The following CELF1 variants were observed in gnomAD, a reference collection of about 807,000 sequenced individuals.
The protein encoded by CELF1 is CUGBP Elav-like family member 1, also known as 50 kDa nuclear polyadenylated RNA-binding protein.
CELF1 carries 10 observed loss-of-function variants against 61.8 expected under a neutral mutation model. That is an observed-to-expected ratio of 0.16 (90% CI 0.10 to 0.27). The LOEUF is 0.27. CELF1 is among the 10% of genes least tolerant of loss of function. CELF1 has a pLI of 1.00. For synonymous variants in CELF1, 236 were observed against 225.1 expected, an observed-to-expected ratio of 1.05 and a Z score of -0.43; for missense variants, 380 against 639.1, an observed-to-expected ratio of 0.59 and a Z score of 4.37.
intron 1 of CELF1, among the ~76,000 whole-genome samples, chr11:47,531,013 G>A (rs1013311234): frequency 2.6e-5 from 4 of 151,904 alleles, no homozygotes; most frequent in African/African-American, 7.3e-5. Context: ...TTGGGAGGCC[G>A]AGGCGGATGG....
intron 1 of CELF1, chr11:47,523,981 A>T (rs1313874508): frequency 6.6e-6 from 1 of 152,172 alleles, no homozygotes; most frequent in Non-Finnish European, 1.5e-5. Flanking sequence ...GCTATTCCTT[A>T]AACAGACATG....
At chr11:47,487,384 CGAATA>C (rs2088095387) in intron 4 of CELF1, 143 bp from the exon 5 acceptor site, 2 of 602,704 alleles carry the variant, frequency 3.3e-6, no homozygotes, top group Non-Finnish European at 5.8e-6. Flanking sequence ...TGGAAAAGAA[CGAATA>C]GAATATCTAG....
rs954449302 is a variant in CELF1, at chr11:47,563,771, G to A, written c.-11+580C>T. Among the ~76,000 whole-genome samples, 10 of 151,138 alleles carry A rather than the reference G, an allele frequency of 6.6e-5. No individual in the cohort carries two copies. The South Asian group carries it at 1.3e-3, about 19-fold the overall frequency. On this transcript the variant is annotated intron_variant, in intron 2 of 3. Coordinates refer to the CELF1 transcript ENST00000525841. ...CATGGTGGCTTATGCCTGTAATCCC[G>A]GCACTTTGGAAGGCCGAGGGGGACG...
chr11:47,536,963 AC>A (rs949076176), intron 1 of CELF1, among the ~76,000 whole-genome samples: 3 of 152,182 alleles, frequency 2.0e-5, no homozygotes, highest in African/African-American at 7.2e-5. Context: ...CAGCCTAGAA[AC>A]AAAAAGGAGA....
rs2097181906 is a variant in CELF1, at chr11:47,552,943, T to A, written c.-154+49A>T. 3 of 397,426 alleles carry A rather than the reference T, an allele frequency of 7.5e-6. No homozygotes were observed. In the East Asian group the frequency reaches 1.1e-4, roughly 14 times the overall value. The allele number at this position is 397,426 out of a possible 1,614,324, so 24.6% of individuals were successfully genotyped here. The stretch of plus-strand genomic sequence containing the variant: ...CGCGGCGCCTCCCTCTTGCCTTTTT[T>A]CCCCTCCCTCCCTCCCGCGGCCCGT... On this transcript the variant is annotated intron_variant, in intron 1 of 14. Coordinates refer to ENST00000687097, the MANE Select transcript of CELF1 (RefSeq NM_001376376.1).
At chr11:47,501,048 C>A (rs2093830251) in intron 1 of CELF1, 116 bp from the exon 2 acceptor site, 1 of 396,280 alleles carries the variant, frequency 2.5e-6, no homozygotes, top group Non-Finnish European at 4.4e-6. Context: ...GTAACAATGG[C>A]TAACATCTGT....
intron 9 of CELF1, among the ~76,000 whole-genome samples, chr11:47,479,178 T>C (rs1232343609): frequency 6.6e-6 from 1 of 151,548 alleles, no homozygotes; most frequent in East Asian, 1.9e-4. Context: ...GTTCACTGAA[T>C]ACTGAGCCAA....
chr11:47,527,346 G>T (rs2096282464), intron 1 of CELF1, among the ~76,000 whole-genome samples: 1 of 152,118 alleles, frequency 6.6e-6, no homozygotes. Context: ...AGCCGTGATC[G>T]TGCCACCGCA....
intron 3 of CELF1, among the ~76,000 whole-genome samples, chr11:47,492,538 T>C (rs2091939937): frequency 6.6e-6 from 1 of 152,142 alleles, no homozygotes; most frequent in Admixed American, 6.5e-5. Flanking sequence ...GAGACCACCC[T>C]GGCCAACATG....
chr11:47,537,918 CT>C (rs561531761), intron 1 of CELF1, among the ~76,000 whole-genome samples: 2,460 of 142,206 alleles, frequency 0.017, 45 homozygotes, highest in African/African-American at 0.051. Context: ...TTTTTCTTTT[CT>C]TTTTTTTTTT....
At chr11:47,525,084 T>C (rs1484256155) in intron 1 of CELF1, among the ~76,000 whole-genome samples, 2 of 152,158 alleles carry the variant, frequency 1.3e-5, no homozygotes, top group Non-Finnish European at 2.9e-5. Flanking sequence ...TCCTAAAATT[T>C]AACATGCAAA....
chr11:47,522,255 G>A (rs1298573113), intron 1 of CELF1, among the ~76,000 whole-genome samples: 1 of 151,886 alleles, frequency 6.6e-6, no homozygotes, highest in African/African-American at 2.4e-5. Flanking sequence ...GCCGGGCATG[G>A]TGGCTCAAGC....
chr11:47,540,868 G>A (rs903711776), intron 1 of CELF1, among the ~76,000 whole-genome samples: 8 of 151,238 alleles, frequency 5.3e-5, no homozygotes, highest in Non-Finnish European at 1.2e-4. Context: ...CTGGGCGACA[G>A]AGAGAGACTC....
intron 1 of CELF1, among the ~76,000 whole-genome samples, chr11:47,505,713 G>T (rs2094434102): frequency 6.7e-6 from 1 of 150,210 alleles, no homozygotes; most frequent in Admixed American, 6.7e-5. Context: ...TACTTTGGGA[G>T]GCCGAGGCTG....
intron 1 of CELF1, among the ~76,000 whole-genome samples, chr11:47,543,169 C>T (rs373012158): frequency 2.6e-5 from 4 of 151,998 alleles, no homozygotes; most frequent in Admixed American, 2.6e-4. Flanking sequence ...TTTGGGAGGC[C>T]GAGGCAGGAG....
rs555449084 is a variant in CELF1, at chr11:47,541,196, A to G, written c.-154+11796T>C. The stretch of plus-strand genomic sequence containing the variant: ...CAAAAACTTAACAGATGTCCAAATA[A>G]TACTGGGTTAAAAAAGACAATCTAC... On this transcript the variant is annotated intron_variant, in intron 1 of 14. Coordinates refer to ENST00000687097, the MANE Select transcript of CELF1 (RefSeq NM_001376376.1). Among the ~76,000 whole-genome samples the G allele has an allele frequency of 5.3e-5, 8 of 152,334 alleles. No individual in the cohort carries two copies. In the South Asian group the frequency reaches 1.7e-3, roughly 32 times the overall value.
chr11:47,535,602 C>T (rs1002306156), intron 1 of CELF1, among the ~76,000 whole-genome samples: 4 of 148,200 alleles, frequency 2.7e-5, no homozygotes, highest in African/African-American at 7.6e-5. Context: ...CGCTTGAACC[C>T]GGGGAGGTGG....
intron 1 of CELF1, among the ~76,000 whole-genome samples, chr11:47,526,294 T>C (rs1005967278): frequency 6.6e-6 from 1 of 152,080 alleles, no homozygotes; most frequent in Admixed American, 6.5e-5. Context: ...CACTCCAGCT[T>C]AGGTAACAAG....
chr11:47,545,850 CGTGTGTGTGTGTGTGTCTGCGTGTGT>C (rs1223832879), intron 1 of CELF1, among the ~76,000 whole-genome samples: 32 of 124,126 alleles, frequency 2.6e-4, no homozygotes, highest in Middle Eastern at 4.5e-3. Context: ...CATATGTATA[CGTGTGTGTGTGTGTGTCTGCGTGTGT>C]GTGTGTGTGT....
Sources: gnomAD v4.1 joint callset for allele counts (sites outside exome capture counted in the v4.1 genomes callset) on GRCh38, gnomAD v4.1.1 for gene constraint, MANE v1.5 for transcripts, NCBI Gene and HGNC (gene_info 2026-07-23, HGNC 2026-07-21) for gene names.